VWA5B2: variants seen among roughly 807,000 people sequenced by gnomAD.
The protein encoded by VWA5B2 is von Willebrand factor A domain-containing protein 5B2.
A neutral mutation model predicts 118.5 loss-of-function variants in VWA5B2; 93 were observed. The observed-to-expected ratio is 0.79, with a 90% CI of 0.66 to 0.93. The LOEUF is 0.93. VWA5B2 is among the 40% of genes least tolerant of loss of function. The pLI is 0.00. For missense variants in VWA5B2, 1,546 were observed against 1,672.8 expected (o/e 0.92, Z 1.32); for synonymous variants, 708 against 716.3 (o/e 0.99, Z 0.19).
rs377077223 is a variant in VWA5B2, at chr3:184,239,894, T to C, written c.2598T>C (p.Pro866=). ...VGVGLETLWG[P]GDGSQPPSPP... ...TTGGGCTGGAGACACTGTGGGGACC[T>C]GGAGATGGCTCACAGCCTCCCTCAC... Residue 866 remains proline, a synonymous_variant, in exon 16 of 20, where the codon CCT becomes CCC. Transcript: ENST00000691901. The surrounding 1 kb of genome is among the most constrained non-coding windows in gnomAD (Gnocchi z 5.1). 8.4e-6 allele frequency: 13 copies of C among 1,551,472 alleles called. No homozygotes were observed. In the East Asian group the frequency reaches 1.2e-4, roughly 15 times the overall value.
Position 184,233,452 on chromosome 3 carries a change from C to A in VWA5B2, c.530+55C>A, listed in dbSNP as rs767973647. The A allele has an allele frequency of 2.0e-6, 3 of 1,498,884 alleles. No homozygotes were observed. The highest frequency in any genetic ancestry group is 1.4e-5 in the African/African-American group (1 of 71,662). The allele number at this position is 1,498,884 out of a possible 1,614,324, so 92.8% of individuals were successfully genotyped here. A position where few individuals can be genotyped will look rare whatever the true frequency, so the allele number is the denominator to read the frequency against. On this transcript the variant is annotated intron_variant, in intron 4 of 19. Coordinates refer to ENST00000691901, the MANE Select transcript of VWA5B2 (RefSeq NM_001390846.1). The surrounding 1 kb of genome is among the most constrained non-coding windows in gnomAD (Gnocchi z 5.2). ...TCCCTCGGCTTCTCTGGGTCTAGTG[C>A]GGGTGAGGGGGCACTGGCAGGGTAC...
chr3:184,239,629 T>C lies in VWA5B2; in HGVS notation c.2392+46T>C. On this transcript the variant is annotated intron_variant, in intron 15 of 19. Coordinates refer to ENST00000691901, the MANE Select transcript of VWA5B2 (RefSeq NM_001390846.1). The surrounding 1 kb of genome is among the most constrained non-coding windows in gnomAD (Gnocchi z 5.1). Reference sequence around the variant, plus strand: ...TGGTTTCCCTGACACCAAAGAGGCCTTGGGGAGGTAAAGCCCAGAGGACCA... The same window carrying C: ...TGGTTTCCCTGACACCAAAGAGGCCCTGGGGAGGTAAAGCCCAGAGGACCA... The C allele has an allele frequency of 1.4e-6, 2 of 1,476,742 alleles. No individual in the cohort carries two copies. The highest frequency in any genetic ancestry group is 1.8e-6 in the Non-Finnish European group (2 of 1,105,892). The allele number at this position is 1,476,742 out of a possible 1,614,324, so 91.5% of individuals were successfully genotyped here. A position where few individuals can be genotyped will look rare whatever the true frequency, so the allele number is the denominator to read the frequency against.
chr3:184,231,041 A>G (rs954538843), intron 3 of VWA5B2, 124 bp downstream of exon 3: 96 of 1,186,012 alleles, frequency 8.1e-5, no homozygotes, highest in Non-Finnish European at 9.8e-5. Flanking sequence ...TCATTGGCTC[A>G]TCCTGGTATT....
intron 3 of VWA5B2, 190 bp from the exon 4 acceptor site, chr3:184,232,988 A>G (rs1560150700): frequency 1.0e-5 from 6 of 600,518 alleles, no homozygotes; most frequent in Admixed American, 3.1e-5. Flanking sequence ...AGATCTGTTC[A>G]CAGTTAGTCT....
In VWA5B2 at chr3:184,233,112, C is replaced by T; in HGVS notation, c.311-66C>T. 1 of 1,444,964 alleles carries T rather than the reference C, an allele frequency of 6.9e-7. No homozygotes were observed. The highest frequency in any genetic ancestry group is 1.3e-5 in the South Asian group (1 of 75,108). The allele number at this position is 1,444,964 out of a possible 1,614,324, so 89.5% of individuals were successfully genotyped here. On this transcript the variant is annotated intron_variant, in intron 3 of 19. Transcript: ENST00000691901. This position sits in a 1 kb window ranked among gnomAD's most constrained non-coding sequence, Gnocchi z 5.2. The stretch of plus-strand genomic sequence containing the variant: ...GGCTCCCTGACCCAATGCCTGCTTC[C>T]ACATCTAGCTTCCTCCCTCTCCTCT...
chr3:184,239,934 G>C lies in VWA5B2; in HGVS notation c.2638G>C (p.Ala880Pro). Residue 880 changes from alanine (A) to proline (P), a missense_variant, in exon 16 of 20, where the codon GCT becomes CCT. Ala to Pro is a conservative substitution (Grantham distance 27, BLOSUM62 -1). Transcript: ENST00000691901. The surrounding 1 kb of genome is among the most constrained non-coding windows in gnomAD (Gnocchi z 5.1). Reference protein sequence around the residue: ...SQPPSPPVREAAWDQALHRLT... With the variant: ...SQPPSPPVREPAWDQALHRLT... The stretch of plus-strand genomic sequence containing the variant: ...GCCTCCCTCACCTCCTGTAAGAGAA[G>C]CTGCTTGGGACCAAGCACTCCATCG... The C allele has an allele frequency of 6.4e-7, 1 of 1,551,400 alleles. No individual in the cohort carries two copies. The highest frequency in any genetic ancestry group is 1.2e-5 in the South Asian group (1 of 84,056).
Position 184,239,522 on chromosome 3 carries a change from A to C in VWA5B2, c.2331A>C (p.Ala777=). The C allele has an allele frequency of 6.5e-7, 1 of 1,547,764 alleles. No homozygotes were observed. Among genetic ancestry groups the C allele is most frequent in the South Asian group, 1.2e-5 (1 of 83,724 alleles). Residue 777 remains alanine (A), a synonymous_variant, in exon 15 of 20, where the codon GCA becomes GCC. Coordinates refer to ENST00000691901, the MANE Select transcript of VWA5B2 (RefSeq NM_001390846.1). This position sits in a 1 kb window ranked among gnomAD's most constrained non-coding sequence, Gnocchi z 5.1. ...GACCCCGGAAACCCTCTTTGGGTGC[A>C]ATACTAGATGGCCCAAGTCCTGAGC... ...PGRPRKPSLG[A]ILDGPSPEPG...
At position 184,237,154 on chromosome 3, in the gene VWA5B2, A is replaced by C; in HGVS notation, c.1534-72A>C. The C allele has an allele frequency of 6.7e-7, 1 of 1,482,830 alleles. No individual in the cohort carries two copies. The allele number at this position is 1,482,830 out of a possible 1,614,324, so 91.9% of individuals were successfully genotyped here. A position where few individuals can be genotyped will look rare whatever the true frequency, so the allele number is the denominator to read the frequency against. On this transcript the variant is annotated intron_variant, in intron 11 of 19. Coordinates refer to ENST00000691901, the MANE Select transcript of VWA5B2 (RefSeq NM_001390846.1). This position sits in a 1 kb window ranked among gnomAD's most constrained non-coding sequence, Gnocchi z 5.6. The stretch of plus-strand genomic sequence containing the variant: ...GGGCAGATGGCATCAGGGGAAGGGC[A>C]GCCTTCCTGCTCTGTCTGGCCGTAT...
Position 184,234,329 on chromosome 3 carries a change from C to T in VWA5B2, c.752C>T (p.Thr251Ile). Residue 251 changes from threonine (T) to isoleucine (I), a missense_variant, in exon 6 of 20, where the codon ACC becomes ATC. Around this residue, in one of 3 missense-constraint regions of VWA5B2, gnomAD observed 775 missense variants for 882.3 expected, o/e 0.88. Transcript: ENST00000691901. ...CCCCCTCATGCCAGCTCTGCAGCCA[C>T]CATCTGTGTCACACTGGCAGAGGGC... Reference protein sequence around the residue: ...DAPPHASSAATICVTLAEGHH... With the variant: ...DAPPHASSAAIICVTLAEGHH... 1 of 1,551,750 alleles carries T rather than the reference C, an allele frequency of 6.4e-7. No individual in the cohort carries two copies. Among genetic ancestry groups the T allele is most frequent in the Non-Finnish European group, 8.7e-7 (1 of 1,147,014 alleles).
Position 184,239,612 on chromosome 3 carries a change from C to T in VWA5B2, c.2392+29C>T, listed in dbSNP as rs1577094015. ...AGTGTTGGATGGGGAGCTGGTTTCCCTGACACCAAAGAGGCCTTGGGGAGG... is the reference window on the plus strand; with the variant it reads ...AGTGTTGGATGGGGAGCTGGTTTCCTTGACACCAAAGAGGCCTTGGGGAGG... On this transcript the variant is annotated intron_variant, in intron 15 of 19. Transcript: ENST00000691901. The surrounding 1 kb of genome is among the most constrained non-coding windows in gnomAD (Gnocchi z 5.1). 1 of 1,489,104 alleles carries T rather than the reference C, an allele frequency of 6.7e-7. No homozygotes were observed. Among genetic ancestry groups the T allele is most frequent in the African/African-American group, 1.4e-5 (1 of 71,590 alleles). The allele number at this position is 1,489,104 out of a possible 1,614,324, so 92.2% of individuals were successfully genotyped here. A position where few individuals can be genotyped will look rare whatever the true frequency, so the allele number is the denominator to read the frequency against.
Position 184,237,336 on chromosome 3 carries a change from ACT to A in VWA5B2, c.1647_1648del (p.Tyr550ProfsTer52). On this transcript the variant is annotated frameshift_variant, in exon 12 of 20. Transcript: ENST00000691901. LOFTEE classifies it high-confidence loss of function. This position sits in a 1 kb window ranked among gnomAD's most constrained non-coding sequence, Gnocchi z 5.6. ...ALLTPREIPA[L>X]YPGDQLLGYC... ...TGCTGACCCCCCGGGAGATCCCAGC[ACT>A]CTACCCTGGGGACCAGCTGCTCGGT... is the stretch of plus-strand genomic sequence containing the variant. The A allele has an allele frequency of 6.4e-7, 1 of 1,550,880 alleles. No individual in the cohort carries two copies. Among genetic ancestry groups the A allele is most frequent in the Non-Finnish European group, 8.7e-7 (1 of 1,146,882 alleles).
rs1023660489 is a variant in VWA5B2, at chr3:184,241,758, C to T, written c.3449C>T (p.Ala1150Val). 2.7e-6 allele frequency: 4 copies of T among 1,481,980 alleles called. No homozygotes were observed. The highest frequency in any genetic ancestry group is 3.6e-6 in the Non-Finnish European group (4 of 1,119,020). 91.8% of individuals were successfully genotyped at this position (1,481,980 alleles called of 1,614,324 possible). A position where few individuals can be genotyped will look rare whatever the true frequency, so the allele number is the denominator to read the frequency against. Residue 1150 changes from alanine (A) to valine (V), a missense_variant, in exon 20 of 20, where the codon GCC (alanine) becomes GTC (valine). Around this residue, in one of 3 missense-constraint regions of VWA5B2, gnomAD observed 763 missense variants for 766.6 expected, o/e 1.00. Coordinates refer to ENST00000691901, the MANE Select transcript of VWA5B2 (RefSeq NM_001390846.1). The surrounding 1 kb of genome is among the most constrained non-coding windows in gnomAD (Gnocchi z 5.1). ...AGTGGGCGGGGCTCAGACACCGAGG[C>T]CTCCGAGGGGGCGGAAGGGCTGGGC... ...VDSGRGSDTE[A>V]SEGAEGLGGT... is the part of the protein sequence containing the mutation.
intron 1 of VWA5B2, among the ~76,000 whole-genome samples, 122 bp from the exon 2 acceptor site, chr3:184,230,258 C>T (rs1188169901): frequency 1.3e-5 from 2 of 152,106 alleles, no homozygotes; most frequent in African/African-American, 4.8e-5. Context: ...GACTGCTGGG[C>T]GCCGAAGCGC....
At position 184,233,360 on chromosome 3, in the gene VWA5B2, C is replaced by G. The variant is rs1205213319; in HGVS notation, c.493C>G (p.Pro165Ala). The change falls in exon 4 of 20, where the codon CCG (proline) becomes GCG (alanine). Residue 165 changes from proline (P) to alanine (A), a missense_variant. By Grantham distance (27) the Pro-to-Ala change is conservative (BLOSUM62 -1). This residue lies in a region of VWA5B2 where 775 missense variants were observed against 882.3 expected (regional missense o/e 0.88). Transcript: ENST00000691901. This position sits in a 1 kb window ranked among gnomAD's most constrained non-coding sequence, Gnocchi z 5.2. ...CACCCCGCTGGCCCCGCCAGGCCCG[C>G]CGGGGCCCCCCAGGCCTCCGGGGCT... Reference protein sequence around the residue: ...VLTPLAPPGPPGPPRPPGLCD... With the variant: ...VLTPLAPPGPAGPPRPPGLCD... 3.2e-6 allele frequency: 5 copies of G among 1,540,294 alleles called. No individual in the cohort carries two copies. In the East Asian group the frequency reaches 1.2e-4, roughly 38 times the overall value.
Position 184,241,529 on chromosome 3 carries a change from G to T in VWA5B2, c.3220G>T (p.Ala1074Ser). Residue 1074 changes from alanine to serine, a missense_variant, in exon 20 of 20, where the codon GCG (alanine) becomes TCG (serine). By Grantham distance (99) the Ala-to-Ser change is moderately conservative. Transcript: ENST00000691901. This position sits in a 1 kb window ranked among gnomAD's most constrained non-coding sequence, Gnocchi z 5.1. ...QEAPGSFRLDAPFCAAVRISQ... is the reference protein window; with the variant it reads ...QEAPGSFRLDSPFCAAVRISQ... The stretch of plus-strand genomic sequence containing the variant: ...GGCACCAGGCTCCTTCCGCCTGGAC[G>T]CGCCCTTCTGCGCCGCTGTGCGCAT... The T allele has an allele frequency of 1.3e-6, 2 of 1,549,604 alleles. No homozygotes were observed. Among genetic ancestry groups the T allele is most frequent in the Non-Finnish European group, 1.7e-6 (2 of 1,146,500 alleles).
Position 184,235,318 on chromosome 3 carries a change from G to T in VWA5B2, c.1101+10G>T, listed in dbSNP as rs1283422517. On this transcript the variant is annotated intron_variant, in intron 8 of 19. Coordinates refer to ENST00000691901, the MANE Select transcript of VWA5B2 (RefSeq NM_001390846.1). ...CAGCGTGGCACACAAGGCCCGTGGG[G>T]GTGTGGTGTGGGCAGGCCTGGGGGT... The T allele has an allele frequency of 1.9e-6, 3 of 1,550,864 alleles. No homozygotes were observed. Among genetic ancestry groups the T allele is most frequent in the South Asian group, 1.2e-5 (1 of 84,044 alleles).
chr3:184,233,529 AG>A lies in VWA5B2; in HGVS notation c.531-43del. 6.5e-7 allele frequency: 1 copy of A among 1,539,302 alleles called. No individual in the cohort carries two copies. The highest frequency in any genetic ancestry group is 2.4e-5 in the East Asian group (1 of 40,852). On this transcript the variant is annotated intron_variant, in intron 4 of 19. Transcript: ENST00000691901. This position sits in a 1 kb window ranked among gnomAD's most constrained non-coding sequence, Gnocchi z 5.2. ...CTGGGGCCAGTCAGCCGGAGGGTTT[AG>A]GGGCCTTCACAGTGGCCCAGTGACC...
rs1403463261 is a variant in VWA5B2 at position 184,241,625 on chromosome 3, T to G, written c.3316T>G (p.Ser1106Ala). ...CGCCAGCCTCAGCCCCACCTCGGCC[T>G]CATTGCCCTGGGCACTTCTGGGCCC... ...HRASLSPTSA[S>A]LPWALLGPGV... Residue 1106 changes from serine to alanine, a missense_variant, in exon 20 of 20, where the codon TCA (serine) becomes GCA (alanine). Transcript: ENST00000691901. The surrounding 1 kb of genome is among the most constrained non-coding windows in gnomAD (Gnocchi z 5.1). 6.5e-7 allele frequency: 1 copy of G among 1,541,716 alleles called. No homozygotes were observed. Among genetic ancestry groups the G allele is most frequent in the African/African-American group, 1.4e-5 (1 of 73,046 alleles).
chr3:184,240,378 A>C (rs1718449714), intron 16 of VWA5B2: 2 of 349,352 alleles, frequency 5.7e-6, no homozygotes, highest in African/African-American at 4.1e-5. Flanking sequence ...GTCATTTAGG[A>C]AAATACTTAA....
Sources: allele counts gnomAD v4.1 joint callset (sites outside exome capture counted in the v4.1 genomes callset), GRCh38; gene constraint gnomAD v4.1.1; regional missense constraint gnomAD v4.1.1; non-coding constraint Gnocchi (gnomAD v3.1); transcripts MANE v1.5; gene names NCBI Gene and HGNC (gene_info 2026-07-23, HGNC 2026-07-21).